Variants in HEMK2 observed in about 807,000 individuals in gnomAD.
HEMK2 encodes methyltransferase HEMK2.
the HEMK2 span, among the ~76,000 whole-genome samples, chr21:28,682,613 T>C: frequency 6.6e-6 from 1 of 152,166 alleles, no homozygotes; most frequent in Non-Finnish European, 1.5e-5. Context: ...GTATATTTAT[T>C]GTGGCACTAT....
the HEMK2 span, among the ~76,000 whole-genome samples, chr21:28,756,502 T>G: frequency 6.6e-6 from 1 of 152,206 alleles, no homozygotes; most frequent in Non-Finnish European, 1.5e-5. Flanking sequence ...ATTCTTTAGC[T>G]CCTATTTGAG....
the HEMK2 span, among the ~76,000 whole-genome samples, chr21:28,691,828 C>A: frequency 1.3e-5 from 2 of 152,162 alleles, no homozygotes; most frequent in Non-Finnish European, 2.9e-5. Flanking sequence ...CAAGACAACA[C>A]TGGAGATAGC....
At chr21:28,833,097 CTT>C in the HEMK2 span, among the ~76,000 whole-genome samples, 23 of 152,180 alleles carry the variant, frequency 1.5e-4, no homozygotes, top group Admixed American at 1.4e-3. Context: ...TTAAAACTGG[CTT>C]TTTGGTCCTG....
At chr21:28,689,176 G>A in the HEMK2 span, among the ~76,000 whole-genome samples, 7 of 152,168 alleles carry the variant, frequency 4.6e-5, no homozygotes, top group East Asian at 7.7e-4. Context: ...TATTGCCAAA[G>A]TGATTGAGGC....
the HEMK2 span, among the ~76,000 whole-genome samples, chr21:28,814,688 C>A: frequency 6.6e-6 from 1 of 152,172 alleles, no homozygotes; most frequent in Non-Finnish European, 1.5e-5. Flanking sequence ...GAGATACCAT[C>A]TCACACCAGT....
At chr21:28,720,108 T>C in the HEMK2 span, among the ~76,000 whole-genome samples, 1 of 152,226 alleles carries the variant, frequency 6.6e-6, no homozygotes, top group Non-Finnish European at 1.5e-5. Flanking sequence ...CTAGTATATG[T>C]GTTAGGCAAG....
chr21:28,589,948 C>T, the HEMK2 span, among the ~76,000 whole-genome samples: 1 of 152,140 alleles, frequency 6.6e-6, no homozygotes, highest in Non-Finnish European at 1.5e-5. Context: ...AGGAAGAAGA[C>T]TCTCCCAGCT....
chr21:28,674,121 G>A, the HEMK2 span, among the ~76,000 whole-genome samples: 2 of 152,126 alleles, frequency 1.3e-5, no homozygotes, highest in African/African-American at 4.8e-5. Context: ...GCAAGATGGC[G>A]ACAAGAGTAA....
chr21:28,831,583 GA>G, the HEMK2 span, among the ~76,000 whole-genome samples: 2 of 64,726 alleles, frequency 3.1e-5, no homozygotes, highest in Admixed American at 1.7e-4. Flanking sequence ...AAGAAAGAAG[GA>G]AAGAAGGAAA....
At chr21:28,742,830 T>C in the HEMK2 span, among the ~76,000 whole-genome samples, 2 of 152,084 alleles carry the variant, frequency 1.3e-5, no homozygotes, top group African/African-American at 2.4e-5. Context: ...TATCTATTTA[T>C]TGAGGGAGAA....
the HEMK2 span, among the ~76,000 whole-genome samples, chr21:28,806,364 A>T: frequency 2.0e-5 from 3 of 152,198 alleles, no homozygotes; most frequent in East Asian, 5.8e-4. Context: ...TAACTTAAGG[A>T]TATTCTTTTA....
At chr21:28,872,577 T>G in the HEMK2 span, 1 of 152,220 alleles carries the variant, frequency 6.6e-6, no homozygotes, top group Non-Finnish European at 1.5e-5. Context: ...ATTGGTCTAA[T>G]ATATCTTTTA....
chr21:28,728,515 C>A, the HEMK2 span, among the ~76,000 whole-genome samples: 1 of 151,992 alleles, frequency 6.6e-6, no homozygotes, highest in Non-Finnish European at 1.5e-5. Flanking sequence ...AGTATGTCTT[C>A]GGTAGGCAAA....
the HEMK2 span, among the ~76,000 whole-genome samples, chr21:28,870,855 C>T: frequency 6.6e-6 from 1 of 152,158 alleles, no homozygotes; most frequent in African/African-American, 2.4e-5. Flanking sequence ...TTGAATTTTA[C>T]AGGGACTTAC....
chr21:28,822,596 T>C, the HEMK2 span, among the ~76,000 whole-genome samples: 2 of 145,972 alleles, frequency 1.4e-5, no homozygotes. Flanking sequence ...TATATACACA[T>C]ATATATATCC....
chr21:28,866,148 G>GAAAAAAA, the HEMK2 span, among the ~76,000 whole-genome samples: 520 of 17,358 alleles, frequency 0.03, 124 homozygotes, highest in South Asian at 0.054. Flanking sequence ...TGTCTCTACA[G>GAAAAAAA]AAAAAACAAA....
At chr21:28,611,125 C>G in the HEMK2 span, among the ~76,000 whole-genome samples, 2 of 152,152 alleles carry the variant, frequency 1.3e-5, no homozygotes, top group Non-Finnish European at 2.9e-5. Flanking sequence ...ATGGAACATT[C>G]CCCAAGATAG....
the HEMK2 span, among the ~76,000 whole-genome samples, chr21:28,680,851 AC>A: frequency 1.3e-5 from 2 of 152,122 alleles, no homozygotes; most frequent in South Asian, 2.1e-4. Flanking sequence ...AAATTCAACA[AC>A]CCTTCATGCT....
At chr21:28,795,756 T>C in the HEMK2 span, among the ~76,000 whole-genome samples, 4 of 152,214 alleles carry the variant, frequency 2.6e-5, no homozygotes, top group Non-Finnish European at 5.9e-5. Flanking sequence ...GCAGTGTGAA[T>C]TTGGAGCACA....
Sources: gnomAD v4.1 joint callset for allele counts (sites outside exome capture counted in the v4.1 genomes callset) on GRCh38, gnomAD v4.1.1 for gene constraint, MANE v1.5 for transcripts, NCBI Gene and HGNC (gene_info 2026-07-23, HGNC 2026-07-21) for gene names.